Variants in PARVA observed in about 807,000 individuals in gnomAD.
The protein encoded by PARVA is alpha-parvin.
In PARVA, 25 loss-of-function variants were observed where a neutral mutation model predicts 52.6. The observed-to-expected ratio is 0.48, with a 90% CI of 0.35 to 0.66. The LOEUF is 0.66. PARVA is among the 30% of genes least tolerant of loss of function. The probability of loss-of-function intolerance (pLI) is 0.01; values close to 1 mark genes in which losing one functional copy is unlikely to be tolerated. For missense variants in PARVA, 373 were observed against 450.9 expected, an observed-to-expected ratio of 0.83 and a Z score of 1.56; for synonymous variants, 185 against 179.1, an observed-to-expected ratio of 1.03 and a Z score of -0.26.
At chr11:12,390,484 G>A (rs572138132) in intron 1 of PARVA, among the ~76,000 whole-genome samples, 100 of 152,276 alleles carry the variant, frequency 6.6e-4, no homozygotes, top group Admixed American at 1.1e-3. Flanking sequence ...CAGAGTCCAG[G>A]GTGAGGTCTC....
intron 1 of PARVA, among the ~76,000 whole-genome samples, chr11:12,467,398 C>CT (rs1309966180): frequency 6.6e-6 from 1 of 152,134 alleles, no homozygotes; most frequent in Non-Finnish European, 1.5e-5. Flanking sequence ...ACTAAGATTT[C>CT]TAGTATAATT....
rs566995061 is a variant in PARVA at position 12,533,355 on chromosome 11, G to A, written c.*5430G>A. On this transcript the variant is annotated 3_prime_UTR_variant, in exon 13 of 13. Coordinates refer to ENST00000334956, the MANE Select transcript of PARVA (RefSeq NM_018222.5). ...ATCCCACCATTCAGCCTGTGGGCTT[G>A]ACAAACTATAAGCAAGCCTCCTGGA... Among the ~76,000 whole-genome samples, 4 of 152,186 alleles carry A rather than the reference G, an allele frequency of 2.6e-5. No individual in the cohort carries two copies. The highest frequency in any genetic ancestry group is 9.7e-5 in the African/African-American group (4 of 41,450).
chr11:12,410,496 G>T (rs188213466), intron 1 of PARVA, among the ~76,000 whole-genome samples: 15 of 152,368 alleles, frequency 9.8e-5, no homozygotes, highest in Admixed American at 2.6e-4. Context: ...AATGCCTGTG[G>T]TTTGATTGGT....
At chr11:12,424,269 C>A (rs1157334104) in intron 1 of PARVA, among the ~76,000 whole-genome samples, 1 of 152,048 alleles carries the variant, frequency 6.6e-6, no homozygotes, top group Non-Finnish European at 1.5e-5. Context: ...CTTGCTTTTT[C>A]TATTTACACT....
intron 7 of PARVA, among the ~76,000 whole-genome samples, chr11:12,510,641 G>A (rs1205765397): frequency 6.6e-6 from 1 of 152,200 alleles, no homozygotes; most frequent in Admixed American, 6.5e-5. Flanking sequence ...ATCATGGCAG[G>A]AGGCAAAAGG....
chr11:12,465,785 A>T (rs1940846160), intron 1 of PARVA, among the ~76,000 whole-genome samples: 1 of 152,206 alleles, frequency 6.6e-6, no homozygotes, highest in South Asian at 2.1e-4. Context: ...GGTTGCTTGC[A>T]GTTTTGGGTG....
intron 1 of PARVA, among the ~76,000 whole-genome samples, chr11:12,430,181 A>T (rs1334711113): frequency 1.3e-5 from 2 of 152,202 alleles, no homozygotes; most frequent in African/African-American, 4.8e-5. Context: ...TGGAATTGGG[A>T]AGAGCAGCAC....
chr11:12,451,904 G>A (rs1940628266), intron 1 of PARVA, among the ~76,000 whole-genome samples: 1 of 152,088 alleles, frequency 6.6e-6, no homozygotes. Context: ...GATGGTTATG[G>A]AAAGAGCCCC....
At chr11:12,476,700 G>A (rs1941019048) in intron 3 of PARVA, among the ~76,000 whole-genome samples, 3 of 152,242 alleles carry the variant, frequency 2.0e-5, no homozygotes, top group Non-Finnish European at 1.5e-5. Context: ...CTCCAGGACA[G>A]AGGCTGGGTC....
chr11:12,421,340 G>A (rs1219035493), intron 1 of PARVA, among the ~76,000 whole-genome samples: 1 of 152,222 alleles, frequency 6.6e-6, no homozygotes, highest in Non-Finnish European at 1.5e-5. Context: ...GTGGTGGCCA[G>A]TAAGCCATGA....
At chr11:12,520,884 C>T (rs979290160) in intron 12 of PARVA, among the ~76,000 whole-genome samples, 11 of 152,030 alleles carry the variant, frequency 7.2e-5, no homozygotes, top group African/African-American at 2.4e-4. Flanking sequence ...GCCTGGGAGG[C>T]GGAAGTTGCA....
intron 1 of PARVA, among the ~76,000 whole-genome samples, chr11:12,434,798 A>T (rs1410230773): frequency 6.6e-6 from 1 of 151,832 alleles, no homozygotes; most frequent in Non-Finnish European, 1.5e-5. Flanking sequence ...TTTTGTTCTT[A>T]CTGCTCAAAC....
At chr11:12,396,396 T>C (rs972909724) in intron 1 of PARVA, among the ~76,000 whole-genome samples, 11 of 152,324 alleles carry the variant, frequency 7.2e-5, no homozygotes, top group Admixed American at 4.6e-4. Flanking sequence ...GTTCAACAAA[T>C]GTTGATTGTG....
intron 1 of PARVA, among the ~76,000 whole-genome samples, chr11:12,394,845 A>T (rs938706847): frequency 1.3e-5 from 2 of 152,046 alleles, no homozygotes; most frequent in Non-Finnish European, 2.9e-5. Context: ...TAATTCCAGC[A>T]CTTGGGGAGG....
chr11:12,456,393 G>A (rs1165857128), intron 1 of PARVA, among the ~76,000 whole-genome samples: 2 of 152,114 alleles, frequency 1.3e-5, no homozygotes, highest in African/African-American at 4.8e-5. Context: ...TTTCTACAGA[G>A]CCCAGGCTAA....
intron 4 of PARVA, among the ~76,000 whole-genome samples, chr11:12,488,029 C>T (rs891423387): frequency 4.6e-5 from 7 of 152,054 alleles, no homozygotes; most frequent in Non-Finnish European, 2.9e-5. Flanking sequence ...CTGAATTAAC[C>T]CATCAGTAGA....
chr11:12,508,099 TAAAAAAAAAAA>T (rs35314523), intron 6 of PARVA, among the ~76,000 whole-genome samples: 5 of 91,796 alleles, frequency 5.4e-5, no homozygotes, highest in East Asian at 3.5e-4. Context: ...ATTTATCAGT[TAAAAAAAAAAA>T]AAAAAAAAAA....
chr11:12,431,371 C>G (rs1390343740), intron 1 of PARVA, among the ~76,000 whole-genome samples: 2 of 152,226 alleles, frequency 1.3e-5, no homozygotes, highest in Non-Finnish European at 2.9e-5. Flanking sequence ...GTGCATTCAG[C>G]CCCTGCCTGC....
chr11:12,436,133 T>C (rs901453570), intron 1 of PARVA, among the ~76,000 whole-genome samples: 2 of 152,180 alleles, frequency 1.3e-5, no homozygotes, highest in African/African-American at 2.4e-5. Context: ...CTGTTTTTAT[T>C]TGTAAAATAG....
Sources: allele counts gnomAD v4.1 joint callset (sites outside exome capture counted in the v4.1 genomes callset), GRCh38; gene constraint gnomAD v4.1.1; transcripts MANE v1.5; gene names NCBI Gene and HGNC (gene_info 2026-07-23, HGNC 2026-07-21).